The following VPS8 variants were observed in gnomAD, a reference collection of about 807,000 sequenced individuals.
VPS8 encodes the protein vacuolar protein sorting-associated protein 8 homolog.
A neutral mutation model predicts 216.4 loss-of-function variants in VPS8; 129 were observed. The observed-to-expected ratio is 0.60, with a 90% CI of 0.52 to 0.69. VPS8 has a LOEUF of 0.69. Among genes scored for constraint, VPS8 ranks in the 30% least tolerant of loss-of-function variants. The pLI is 0.00. For missense variants in VPS8, 1,531 were observed against 1,683.5 expected, an observed-to-expected ratio of 0.91 and a Z score of 1.59; for synonymous variants, 571 against 565.4, an observed-to-expected ratio of 1.01 and a Z score of -0.14.
At chr3:184,880,481 T>G (rs1730082679) in intron 21 of VPS8, among the ~76,000 whole-genome samples, 1 of 152,230 alleles carries the variant, frequency 6.6e-6, no homozygotes, top group African/African-American at 2.4e-5. Context: ...CCCAGGTTGT[T>G]GCACATATCA....
chr3:185,014,666 A>G (rs577331221), intron 45 of VPS8, among the ~76,000 whole-genome samples: 1 of 152,342 alleles, frequency 6.6e-6, no homozygotes, highest in South Asian at 2.1e-4. Flanking sequence ...ATTCAGTTGC[A>G]TATGAGGTGT....
chr3:184,899,082 G>A (rs1461709985), intron 24 of VPS8, among the ~76,000 whole-genome samples: 1 of 152,104 alleles, frequency 6.6e-6, no homozygotes, highest in East Asian at 1.9e-4. Flanking sequence ...AAAATGGTAG[G>A]AGGCCATTAT....
chr3:184,958,839 A>C (rs749099857), intron 37 of VPS8, among the ~76,000 whole-genome samples: 1 of 152,122 alleles, frequency 6.6e-6, no homozygotes, highest in South Asian at 2.1e-4. Context: ...TTTCTGAAAT[A>C]GTTTTTTCTC....
intron 36 of VPS8, among the ~76,000 whole-genome samples, chr3:184,952,363 C>G (rs530312915): frequency 6.6e-6 from 1 of 152,338 alleles, no homozygotes; most frequent in Admixed American, 6.5e-5. Context: ...TACAATTTCA[C>G]TCATTTCTGA....
At chr3:185,003,222 A>G (rs574208301) in intron 45 of VPS8, among the ~76,000 whole-genome samples, 44 of 132,320 alleles carry the variant, frequency 3.3e-4, no homozygotes, top group African/African-American at 1.2e-3. Flanking sequence ...GCAGGGTCAT[A>G]GGACAATAGT....
intron 32 of VPS8, 148 bp from the exon 33 acceptor site, chr3:184,929,432 C>T (rs1740286498): frequency 1.2e-5 from 7 of 579,920 alleles, no homozygotes; most frequent in South Asian, 2.0e-5. Flanking sequence ...TCAAGCAGTC[C>T]TCTTGCCTCA....
intron 35 of VPS8, among the ~76,000 whole-genome samples, chr3:184,936,767 T>C (rs1196234745): frequency 2.0e-5 from 3 of 151,424 alleles, no homozygotes; most frequent in African/African-American, 4.9e-5. Context: ...AGATGGAGTC[T>C]CGCTCTGTCA....
At chr3:184,998,227 GA>G (rs1284854014) in intron 44 of VPS8, among the ~76,000 whole-genome samples, 1 of 152,090 alleles carries the variant, frequency 6.6e-6, no homozygotes, top group Non-Finnish European at 1.5e-5. Context: ...GACATGATCT[GA>G]CCTATGTCTT....
intron 24 of VPS8, among the ~76,000 whole-genome samples, chr3:184,899,935 G>C (rs943401252): frequency 2.0e-5 from 3 of 152,138 alleles, no homozygotes; most frequent in Non-Finnish European, 4.4e-5. Context: ...GAGCTATTGA[G>C]GTTACCTTGT....
At chr3:184,838,923 AT>A in intron 6 of VPS8, 177 bp downstream of exon 6, 1 of 522,096 alleles carries the variant, frequency 1.9e-6, no homozygotes, top group Non-Finnish European at 3.3e-6. Context: ...TTTTTTCCTA[AT>A]TTTTTGTTAC....
intron 37 of VPS8, among the ~76,000 whole-genome samples, chr3:184,963,499 T>C (rs1449999114): frequency 6.6e-6 from 1 of 152,126 alleles, no homozygotes; most frequent in Non-Finnish European, 1.5e-5. Context: ...AAAATGTTAC[T>C]GATTTTTGTA....
At chr3:185,038,098 C>T (rs1399418539) in intron 46 of VPS8, among the ~76,000 whole-genome samples, 1 of 152,108 alleles carries the variant, frequency 6.6e-6, no homozygotes, top group Non-Finnish European at 1.5e-5. Flanking sequence ...TGTACTGGTC[C>T]CCCTACCCCC....
intron 2 of VPS8, chr3:184,825,063 G>A (rs1447622845): frequency 3.8e-5 from 13 of 338,898 alleles, no homozygotes; most frequent in African/African-American, 1.7e-4. Flanking sequence ...GTGTCACCAC[G>A]CCCGCCTAAT....
intron 29 of VPS8, among the ~76,000 whole-genome samples, chr3:184,923,031 T>G (rs1738923574): frequency 6.6e-6 from 1 of 152,024 alleles, no homozygotes; most frequent in African/African-American, 2.4e-5. Context: ...AGTTTGCACT[T>G]GACAATTGAT....
At chr3:185,050,279 C>T (rs1713918229) in intron 47 of VPS8, among the ~76,000 whole-genome samples, 1 of 152,072 alleles carries the variant, frequency 6.6e-6, no homozygotes, top group African/African-American at 2.4e-5. Context: ...GAGAGGGTTA[C>T]GGAAGAAGGA....
intron 3 of VPS8, among the ~76,000 whole-genome samples, chr3:184,828,819 CAACCTGTGT>C (rs890307282): frequency 1.3e-5 from 2 of 152,136 alleles, no homozygotes; most frequent in African/African-American, 4.8e-5. Flanking sequence ...ACAAACTGAA[CAACCTGTGT>C]AACCAGAATC....
intron 22 of VPS8, chr3:184,893,398 AAAT>A: frequency 9.2e-7 from 1 of 1,087,576 alleles, no homozygotes; most frequent in South Asian, 1.8e-5. Flanking sequence ...AGGAAAAAGT[AAAT>A]AATCTCAACA....
intron 25 of VPS8, among the ~76,000 whole-genome samples, chr3:184,912,070 G>T (rs1211391010): frequency 1.3e-5 from 2 of 151,972 alleles, no homozygotes; most frequent in East Asian, 1.9e-4. Flanking sequence ...TAATTTTTTT[G>T]CATGTTTTTA....
intron 9 of VPS8, chr3:184,849,423 G>T: frequency 2.7e-6 from 1 of 374,638 alleles, no homozygotes; most frequent in Non-Finnish European, 4.6e-6. Flanking sequence ...GTGTCTATTT[G>T]AGTAAATAAT....
Sources: allele counts gnomAD v4.1 joint callset (sites outside exome capture counted in the v4.1 genomes callset), GRCh38; gene constraint gnomAD v4.1.1; transcripts MANE v1.5; gene names NCBI Gene and HGNC (gene_info 2026-07-23, HGNC 2026-07-21).